LARGE1: variants seen among roughly 807,000 people sequenced by gnomAD.
The protein encoded by LARGE1 is LARGE xylosyl- and glucuronyltransferase 1.
In LARGE1, 43 loss-of-function variants were observed where a neutral mutation model predicts 87.6. The ratio of observed to expected loss-of-function variants is 0.49; its 90% confidence interval spans 0.38 to 0.63. The LOEUF (loss-of-function observed/expected upper bound fraction) is 0.63, where lower values mean the gene tolerates loss of function less well. Among genes scored for constraint, LARGE1 ranks in the 30% least tolerant of loss-of-function variants. The probability of loss-of-function intolerance (pLI) is 0.00; values close to 1 mark genes in which losing one functional copy is unlikely to be tolerated. For missense variants in LARGE1, 802 were observed against 1,000.2 expected, an observed-to-expected ratio of 0.80 and a Z score of 2.67; for synonymous variants, 434 against 394.6, an observed-to-expected ratio of 1.10 and a Z score of -1.18.
chr22:33,479,314 C>G (rs2069210567), intron 6 of LARGE1, among the ~76,000 whole-genome samples: 4 of 152,160 alleles, frequency 2.6e-5, no homozygotes, highest in Admixed American at 1.3e-4. Context: ...AGCACAGCAT[C>G]TGGCACCTGA....
At position 33,504,725 on chromosome 22, in the gene LARGE1, G is replaced by A. The variant is rs146240408; in HGVS notation, c.787+60123C>T. On this transcript the variant is annotated intron_variant, in intron 6 of 14. Transcript: ENST00000397394. ...TTCAAGATGCGTAACACCAACTCAC[G>A]GGGTTGCTGTGACTATAAAATGAAA... 3.1e-3 allele frequency among the ~76,000 whole-genome samples: 465 copies of A among 152,172 alleles called. 4 individuals are homozygous for A. The highest frequency in any genetic ancestry group is 0.019 in the South Asian group (90 of 4,820).
chr22:33,584,351 G>A (rs1393534676), intron 5 of LARGE1, among the ~76,000 whole-genome samples: 1 of 152,044 alleles, frequency 6.6e-6, no homozygotes, highest in South Asian at 2.1e-4. Context: ...ACTTCCCCCC[G>A]ACTCCTGGAA....
the LARGE1 span, among the ~76,000 whole-genome samples, chr22:33,147,605 T>C: frequency 1.3e-5 from 2 of 152,342 alleles, no homozygotes; most frequent in Middle Eastern, 3.4e-3. Flanking sequence ...CTCGCGATTA[T>C]AGCTTTTTAC....
chr22:33,909,710 T>C (rs900629164), intron 1 of LARGE1, among the ~76,000 whole-genome samples: 2 of 151,892 alleles, frequency 1.3e-5, no homozygotes, highest in African/African-American at 4.8e-5. Context: ...AGCTAATTTT[T>C]TGTATTTTTA....
chr22:33,344,129 C>CA (rs1293401496), intron 9 of LARGE1, among the ~76,000 whole-genome samples: 1 of 152,214 alleles, frequency 6.6e-6, no homozygotes, highest in Non-Finnish European at 1.5e-5. Context: ...CCCACTGACT[C>CA]AAATGTTAAT....
At chr22:33,731,557 G>A (rs148519948) in intron 2 of LARGE1, among the ~76,000 whole-genome samples, 155 of 152,262 alleles carry the variant, frequency 1.0e-3, no homozygotes, top group Admixed American at 3.3e-3. Flanking sequence ...TGGGGCTGGG[G>A]GGAGGAAGAA....
rs1401473568 is a variant in LARGE1 at position 33,235,648 on chromosome 22, T to C, written c.1730+68581A>G. Among the ~76,000 whole-genome samples, 3 of 152,282 alleles carry C rather than the reference T, an allele frequency of 2.0e-5. No homozygotes were observed. The East Asian group carries it at 5.8e-4, about 29-fold the overall frequency. ...CCATCTGAACACCTTCCCCTACGTG[T>C]AGCCTCTCCGGGTGGCATGGACTTC... is the stretch of plus-strand genomic sequence containing the variant. On this transcript the variant is annotated intron_variant, in intron 11 of 11. Coordinates refer to the LARGE1 transcript ENST00000608642.
intron 2 of LARGE1, among the ~76,000 whole-genome samples, chr22:33,706,887 C>T (rs2082579539): frequency 6.6e-6 from 1 of 152,172 alleles, no homozygotes; most frequent in Admixed American, 6.5e-5. Context: ...GACTTTAGTC[C>T]AGTGAGACTG....
chr22:33,796,573 A>G (rs892891314), intron 1 of LARGE1, among the ~76,000 whole-genome samples: 4 of 152,182 alleles, frequency 2.6e-5, no homozygotes, highest in Non-Finnish European at 5.9e-5. Flanking sequence ...TCAAAGAAGG[A>G]CATGGGTCAG....
At chr22:33,826,999 G>A (rs1012522869) in intron 1 of LARGE1, among the ~76,000 whole-genome samples, 3 of 151,976 alleles carry the variant, frequency 2.0e-5, no homozygotes, top group African/African-American at 4.8e-5. Flanking sequence ...AATTCACCCC[G>A]GATTACCCAG....
intron 11 of LARGE1, among the ~76,000 whole-genome samples, chr22:33,264,747 T>C (rs921164740): frequency 6.6e-6 from 1 of 152,062 alleles, no homozygotes; most frequent in South Asian, 2.1e-4. Flanking sequence ...GATGAAATAT[T>C]AGATGAACTC....
intron 1 of LARGE1, among the ~76,000 whole-genome samples, chr22:33,860,550 T>C (rs2063886314): frequency 6.6e-6 from 1 of 152,216 alleles, no homozygotes; most frequent in Non-Finnish European, 1.5e-5. Flanking sequence ...CTGGATTCTC[T>C]ACTCAGCAGC....
intron 13 of LARGE1, among the ~76,000 whole-genome samples, chr22:33,280,198 T>C (rs1930152177): frequency 6.6e-6 from 1 of 152,074 alleles, no homozygotes; most frequent in Non-Finnish European, 1.5e-5. Context: ...CTTGGCACCT[T>C]TGTTTCCTTC....
At chr22:33,394,989 G>A (rs2065675839) in intron 7 of LARGE1, among the ~76,000 whole-genome samples, 1 of 152,026 alleles carries the variant, frequency 6.6e-6, no homozygotes, top group South Asian at 2.1e-4. Flanking sequence ...CACTTTGGGA[G>A]GCCAAGGCTG....
At chr22:33,203,139 G>A (rs777934560) in intron 11 of LARGE1, among the ~76,000 whole-genome samples, 5 of 146,886 alleles carry the variant, frequency 3.4e-5, no homozygotes, top group Non-Finnish European at 7.6e-5. Flanking sequence ...GAGAGAATGA[G>A]AGAGAAAGAG....
intron 12 of LARGE1, among the ~76,000 whole-genome samples, chr22:33,303,812 G>C (rs1009615976): frequency 1.3e-5 from 2 of 151,248 alleles, no homozygotes; most frequent in Non-Finnish European, 2.9e-5. Context: ...TTTAGTAGGG[G>C]GGGGGTTTCA....
intron 7 of LARGE1, among the ~76,000 whole-genome samples, chr22:33,430,798 C>T (rs2067052838): frequency 6.6e-6 from 1 of 152,200 alleles, no homozygotes; most frequent in African/African-American, 2.4e-5. Flanking sequence ...GGAAGCTTGA[C>T]TCATGTCCCT....
intron 7 of LARGE1, among the ~76,000 whole-genome samples, chr22:33,411,630 A>G (rs906846917): frequency 6.6e-6 from 1 of 152,230 alleles, no homozygotes; most frequent in Non-Finnish European, 1.5e-5. Flanking sequence ...CTTAGGAGCT[A>G]TTGTGTACCA....
intron 11 of LARGE1, among the ~76,000 whole-genome samples, chr22:33,241,969 T>G (rs62224743): frequency 0.091 from 13,812 of 152,126 alleles, 904 homozygotes; most frequent in African/African-American, 0.18. Context: ...TAATAATGCA[T>G]TACATAATTC....
Sources: allele counts gnomAD v4.1 joint callset (sites outside exome capture counted in the v4.1 genomes callset), GRCh38; gene constraint gnomAD v4.1.1; transcripts MANE v1.5; gene names NCBI Gene and HGNC (gene_info 2026-07-23, HGNC 2026-07-21).